KCNIP4: variants seen among roughly 807,000 people sequenced by gnomAD.
KCNIP4 encodes potassium voltage-gated channel interacting protein 4.
KCNIP4 carries 12 observed loss-of-function variants against 34.0 expected under a neutral mutation model. The ratio of observed to expected loss-of-function variants is 0.35; its 90% CI spans 0.23 to 0.57. The LOEUF (loss-of-function observed/expected upper bound fraction) is 0.57. Among genes scored for constraint, KCNIP4 ranks in the 20% least tolerant of loss-of-function variants. KCNIP4 has a pLI of 0.83. For missense variants in KCNIP4, 238 were observed against 311.7 expected, an observed-to-expected ratio of 0.76 and a Z score of 1.78; for synonymous variants, 124 against 102.2, an observed-to-expected ratio of 1.21 and a Z score of -1.29.
intron 1 of KCNIP4, among the ~76,000 whole-genome samples, chr4:21,653,274 T>C (rs1419988101): frequency 6.6e-6 from 1 of 152,210 alleles, no homozygotes; most frequent in East Asian, 1.9e-4. Context: ...TTTCTACAGC[T>C]TACTTCTACA....
chr4:20,940,883 T>A (rs180722989), intron 1 of KCNIP4, among the ~76,000 whole-genome samples: 1 of 152,200 alleles, frequency 6.6e-6, no homozygotes. Context: ...AGAGAAAGAC[T>A]GTGGAGAAAA....
intron 1 of KCNIP4, among the ~76,000 whole-genome samples, chr4:21,128,135 T>C (rs937901867): frequency 3.3e-5 from 5 of 152,152 alleles, no homozygotes; most frequent in African/African-American, 1.2e-4. Flanking sequence ...TGTTCAATCA[T>C]TGATATTACA....
At chr4:21,323,722 T>C (rs1714738894) in intron 1 of KCNIP4, among the ~76,000 whole-genome samples, 1 of 152,010 alleles carries the variant, frequency 6.6e-6, no homozygotes, top group Admixed American at 6.6e-5. Flanking sequence ...CTGCGAAAAA[T>C]ATGGGAGCGC....
intron 1 of KCNIP4, among the ~76,000 whole-genome samples, chr4:21,322,055 A>G (rs1714533169): frequency 7.1e-6 from 1 of 140,034 alleles, no homozygotes; most frequent in African/African-American, 2.6e-5. Context: ...GAAGGAAGAA[A>G]GGAAGGAAAG....
At chr4:20,807,089 T>G (rs1036111420) in intron 3 of KCNIP4, among the ~76,000 whole-genome samples, 1 of 152,156 alleles carries the variant, frequency 6.6e-6, no homozygotes, top group African/African-American at 2.4e-5. Context: ...GTGGGCTGTG[T>G]GCTGAGTTAA....
At chr4:21,365,893 C>T (rs969008866) in intron 1 of KCNIP4, among the ~76,000 whole-genome samples, 1 of 152,146 alleles carries the variant, frequency 6.6e-6, no homozygotes, top group Non-Finnish European at 1.5e-5. Context: ...TCTGAAATTA[C>T]AAGTGTTAAT....
At position 21,048,944 on chromosome 4, in the gene KCNIP4, C is replaced by CTTTTTTTT. The variant is rs949548104; in HGVS notation, c.62-166243_62-166236dup. ...AGCTCTTTCAGTACCTTCTGTTTAT[C>CTTTTTTTT]TTTTTTTTTTTTTTTTTTTTTTTTG... On this transcript the variant is annotated intron_variant, in intron 1 of 8. Coordinates refer to ENST00000382152, the MANE Select transcript of KCNIP4 (RefSeq NM_025221.6). 2.6e-3 allele frequency among the ~76,000 whole-genome samples: 247 copies of CTTTTTTTT among 96,036 alleles called. 6 individuals are homozygous for CTTTTTTTT. The highest frequency in any genetic ancestry group is 7.2e-3 in the African/African-American group (172 of 23,770). The allele number at this position is 96,036 out of a possible 152,430, so 63.0% of individuals were successfully genotyped here.
At chr4:21,909,307 C>G (rs369152541) in intron 1 of KCNIP4, among the ~76,000 whole-genome samples, 2 of 152,096 alleles carry the variant, frequency 1.3e-5, no homozygotes, top group East Asian at 3.9e-4. Context: ...AAGTAAATGT[C>G]TCTGAATTCT....
intron 1 of KCNIP4, among the ~76,000 whole-genome samples, chr4:21,362,921 C>T (rs1000398128): frequency 6.6e-6 from 1 of 152,052 alleles, no homozygotes; most frequent in African/African-American, 2.4e-5. Flanking sequence ...AATTGTCATT[C>T]TTGCATCTGT....
chr4:21,944,953 G>C (rs1231295974), intron 1 of KCNIP4, among the ~76,000 whole-genome samples: 1 of 152,028 alleles, frequency 6.6e-6, no homozygotes, highest in East Asian at 1.9e-4. Context: ...AAGGATCCTT[G>C]AACAAACAAA....
chr4:21,644,156 C>A (rs753300294), intron 1 of KCNIP4, among the ~76,000 whole-genome samples: 3 of 152,044 alleles, frequency 2.0e-5, no homozygotes, highest in Non-Finnish European at 4.4e-5. Context: ...TCCATGAACT[C>A]AAGATTGCAA....
chr4:21,870,817 A>T (rs566043110), intron 1 of KCNIP4, among the ~76,000 whole-genome samples: 68 of 152,320 alleles, frequency 4.5e-4, no homozygotes, highest in African/African-American at 1.5e-3. Flanking sequence ...TCATTTGCTC[A>T]TTTATGATAG....
intron 1 of KCNIP4, among the ~76,000 whole-genome samples, chr4:21,400,277 C>A (rs1364909636): frequency 1.3e-5 from 2 of 151,890 alleles, no homozygotes; most frequent in African/African-American, 4.8e-5. Context: ...TCCAGAGGAA[C>A]AAATATAGGC....
chr4:21,471,472 C>T (rs1730464668), intron 1 of KCNIP4, among the ~76,000 whole-genome samples: 1 of 152,092 alleles, frequency 6.6e-6, no homozygotes, highest in African/African-American at 2.4e-5. Context: ...ATCTTTATCT[C>T]TGTATTTCAG....
At chr4:21,410,206 TA>T (rs33975781) in intron 1 of KCNIP4, among the ~76,000 whole-genome samples, 59,797 of 151,876 alleles carry the variant, frequency 0.39, 12,406 homozygotes, top group African/African-American at 0.52. Context: ...CTGGAGACTG[TA>T]AAAAAAAGTA....
intron 1 of KCNIP4, among the ~76,000 whole-genome samples, chr4:21,212,988 C>T (rs1168810683): frequency 2.0e-5 from 3 of 151,958 alleles, no homozygotes; most frequent in African/African-American, 7.3e-5. Flanking sequence ...TAGGAGAAAA[C>T]ATTTGAAAAA....
intron 1 of KCNIP4, among the ~76,000 whole-genome samples, chr4:21,729,535 C>T (rs993046636): frequency 6.6e-6 from 1 of 152,056 alleles, no homozygotes; most frequent in Non-Finnish European, 1.5e-5. Context: ...AAGATTTTTG[C>T]TGTGTTCTAT....
intron 1 of KCNIP4, chr4:21,851,482 T>A (rs13112610): frequency 1.3e-5 from 2 of 152,110 alleles, no homozygotes; most frequent in Non-Finnish European, 2.9e-5. Flanking sequence ...CAAGTGATGG[T>A]CACTCTAAAA....
intron 1 of KCNIP4, among the ~76,000 whole-genome samples, chr4:20,892,981 A>G (rs901128080): frequency 6.6e-6 from 1 of 152,164 alleles, no homozygotes; most frequent in Non-Finnish European, 1.5e-5. Flanking sequence ...GGAGTTCCTT[A>G]TAAATAGGGT....
Sources: gnomAD v4.1 joint callset for allele counts (sites outside exome capture counted in the v4.1 genomes callset) on GRCh38, gnomAD v4.1.1 for gene constraint, MANE v1.5 for transcripts, NCBI Gene and HGNC (gene_info 2026-07-23, HGNC 2026-07-21) for gene names.